Variants in LEMD2 observed in about 807,000 individuals in gnomAD.
LEMD2 encodes LEM domain nuclear envelope protein 2.
A neutral mutation model predicts 58.8 loss-of-function variants in LEMD2; 34 were observed. The ratio of observed to expected loss-of-function variants is 0.58; its 90% CI spans 0.44 to 0.77. The LOEUF (loss-of-function observed/expected upper bound fraction) is 0.77. LEMD2 is among the 30% of genes least tolerant of loss of function. The pLI is 0.00. For missense variants in LEMD2, 629 were observed against 717.9 expected (o/e 0.88, Z 1.42); for synonymous variants, 298 against 308.9 (o/e 0.96, Z 0.37).
Position 33,789,111 on chromosome 6 carries a change from G to A in LEMD2, c.6C>T (p.Ala2=), listed in dbSNP as rs377525478. Reference sequence around the variant, plus strand: ...GCCGCAGTTCCAGGTCCGACAGGCCGGCCATGGCCAGGACGCCGCCCCCCG... The same window carrying A: ...GCCGCAGTTCCAGGTCCGACAGGCCAGCCATGGCCAGGACGCCGCCCCCCG... M[A]GLSDLELRRE... The change falls in exon 1 of 9, where the codon GCC becomes GCT. Residue 2 remains alanine (A), a synonymous_variant. Coordinates refer to ENST00000293760, the MANE Select transcript of LEMD2 (RefSeq NM_181336.4). The A allele has an allele frequency of 2.2e-5, 34 of 1,527,460 alleles. No homozygotes were observed. The African/African-American group carries it at 2.7e-4, about 12-fold the overall frequency. 94.6% of individuals were successfully genotyped at this position (1,527,460 alleles called of 1,614,324 possible). A position where few individuals can be genotyped will look rare whatever the true frequency, so the allele number is the denominator to read the frequency against.
At position 33,772,428 on chromosome 6, in the gene LEMD2, C is replaced by T. The variant is rs1345097455; in HGVS notation, c.*200G>A. 7.6e-6 allele frequency: 4 copies of T among 524,616 alleles called. No individual in the cohort carries two copies. Among genetic ancestry groups the T allele is most frequent in the African/African-American group, 1.9e-5 (1 of 51,536 alleles). The allele number at this position is 524,616 out of a possible 1,614,324, so 32.5% of individuals were successfully genotyped here. ...TCTGGGCTATCACCCTGGCTTCTCC[C>T]CCTCCCTTTAAAGGAAGCCCACATT... On this transcript the variant is annotated 3_prime_UTR_variant, in exon 9 of 9. Coordinates refer to ENST00000293760, the MANE Select transcript of LEMD2 (RefSeq NM_181336.4).
At chr6:33,786,664 G>T in intron 2 of LEMD2, 70 bp downstream of exon 2, 1 of 1,189,606 alleles carries the variant, frequency 8.4e-7, no homozygotes, top group Non-Finnish European at 1.2e-6. Flanking sequence ...TTTTTCTGGG[G>T]AAGTTTACCT....
intron 3 of LEMD2, among the ~76,000 whole-genome samples, chr6:33,782,404 C>A (rs1038597341): frequency 2.0e-5 from 3 of 152,226 alleles, no homozygotes; most frequent in Non-Finnish European, 4.4e-5. Flanking sequence ...GGCCTGGCAT[C>A]CAAGGCCATC....
At chr6:33,788,038 G>A (rs1030010540) in intron 1 of LEMD2, among the ~76,000 whole-genome samples, 49 of 152,228 alleles carry the variant, frequency 3.2e-4, no homozygotes, top group African/African-American at 1.1e-3. Context: ...GAACCCAAAC[G>A]GATGGGGTGA....
intron 1 of LEMD2, among the ~76,000 whole-genome samples, chr6:33,788,055 T>C (rs1014867448): frequency 3.3e-5 from 5 of 152,120 alleles, no homozygotes; most frequent in African/African-American, 2.4e-5. Context: ...GTGAATCTGT[T>C]AGAGGGGGGT....
At position 33,778,539 on chromosome 6, in the gene LEMD2, C is replaced by T. The variant is rs549086497; in HGVS notation, c.1011-152G>A. On this transcript the variant is annotated intron_variant, in intron 5 of 8. Coordinates refer to ENST00000293760, the MANE Select transcript of LEMD2 (RefSeq NM_181336.4). This position sits in a 1 kb window ranked among gnomAD's most constrained non-coding sequence, Gnocchi z 4.7. ...GCTTGGTATCCTGGCTGCATTCTTT[C>T]CAGAAATTTCCCACATTGGCTACTT... 3.0e-4 allele frequency: 156 copies of T among 512,846 alleles called. No homozygotes were observed. Among genetic ancestry groups the T allele is most frequent in the African/African-American group, 2.8e-3 (143 of 51,474 alleles). The allele number at this position is 512,846 out of a possible 1,614,324, so 31.8% of individuals were successfully genotyped here.
At chr6:33,772,821 G>T (rs755153489) in intron 8 of LEMD2, 43 bp from the exon 9 acceptor site, 3 of 1,573,022 alleles carry the variant, frequency 1.9e-6, no homozygotes, top group Middle Eastern at 1.8e-4. Context: ...CTGCCGAGGT[G>T]AGCCAGCCTG....
At position 33,784,684 on chromosome 6, in the gene LEMD2, C is replaced by G. The variant is rs111855846; in HGVS notation, c.778-257G>C. 5.6e-4 allele frequency: 225 copies of G among 399,380 alleles called. 5 individuals are homozygous for G. Among genetic ancestry groups the G allele is most frequent in the South Asian group, 2.3e-3 (72 of 30,768 alleles). The allele number at this position is 399,380 out of a possible 1,614,324, so 24.7% of individuals were successfully genotyped here. A position where few individuals can be genotyped will look rare whatever the true frequency, so the allele number is the denominator to read the frequency against. On this transcript the variant is annotated intron_variant, in intron 2 of 8. Coordinates refer to ENST00000293760, the MANE Select transcript of LEMD2 (RefSeq NM_181336.4). Reference sequence around the variant, plus strand: ...GACACTGTAACCAAGGGGCTGCATCCCAGAGGCTCCTGGCTCCTGCCTTTC... The same window carrying G: ...GACACTGTAACCAAGGGGCTGCATCGCAGAGGCTCCTGGCTCCTGCCTTTC...
chr6:33,774,008 G>T (rs866824900), intron 8 of LEMD2, among the ~76,000 whole-genome samples: 1 of 152,168 alleles, frequency 6.6e-6, no homozygotes, highest in East Asian at 1.9e-4. Flanking sequence ...GCAGCTCTGG[G>T]TATCTATGCT....
rs143514906 is a variant in LEMD2 at position 33,785,945 on chromosome 6, G to C, written c.777+789C>G. 5.4e-3 allele frequency among the ~76,000 whole-genome samples: 825 copies of C among 152,344 alleles called. 11 individuals are homozygous for C. The highest frequency in any genetic ancestry group is 0.019 in the African/African-American group (776 of 41,578). On this transcript the variant is annotated intron_variant, in intron 2 of 8. Coordinates refer to ENST00000293760, the MANE Select transcript of LEMD2 (RefSeq NM_181336.4). ...CATTTACATGAGTAAGACAGTCAATGCAGGGCTGGCCAGAGGACCATGCGT... is the reference window on the plus strand; with the variant it reads ...CATTTACATGAGTAAGACAGTCAATCCAGGGCTGGCCAGAGGACCATGCGT...
At chr6:33,787,402 T>TA (rs1260895267) in intron 1 of LEMD2, among the ~76,000 whole-genome samples, 1 of 152,242 alleles carries the variant, frequency 6.6e-6, no homozygotes, top group Non-Finnish European at 1.5e-5. Flanking sequence ...ACGAGTCTGT[T>TA]AATACCCTTG....
intron 3 of LEMD2, among the ~76,000 whole-genome samples, chr6:33,784,031 C>T (rs1335698272): frequency 6.6e-6 from 1 of 152,244 alleles, no homozygotes; most frequent in African/African-American, 2.4e-5. Flanking sequence ...TGGCCCCTTC[C>T]CATGCCAACA....
Position 33,789,041 on chromosome 6 carries a change from T to C in LEMD2, c.76A>G (p.Thr26Ala). The C allele has an allele frequency of 6.4e-7, 1 of 1,557,324 alleles. No individual in the cohort carries two copies. The highest frequency in any genetic ancestry group is 1.9e-5 in the Admixed American group (1 of 53,400). The change falls in exon 1 of 9, where the codon ACC becomes GCC. Residue 26 changes from threonine (T) to alanine (A), a missense_variant. Transcript: ENST00000293760. ...LGFQPGPITD[T>A]TRDVYRNKLR... The stretch of plus-strand genomic sequence containing the variant: ...TTGTTGCGGTAGACATCCCGGGTGG[T>C]GTCGGTGATGGGTCCTGGCTGGAAG...
chr6:33,779,940 T>C, intron 5 of LEMD2, 160 bp downstream of exon 5: 1 of 615,260 alleles, frequency 1.6e-6, no homozygotes, highest in Non-Finnish European at 2.9e-6. Flanking sequence ...GCTTCTTGCT[T>C]TTGTTGCCCC....
intron 8 of LEMD2, among the ~76,000 whole-genome samples, chr6:33,773,386 A>G (rs1767349305): frequency 6.6e-6 from 1 of 151,626 alleles, no homozygotes; most frequent in Non-Finnish European, 1.5e-5. Flanking sequence ...CCCCCCTTCC[A>G]GACTGGACAA....
At chr6:33,786,440 T>C (rs553696782) in intron 2 of LEMD2, among the ~76,000 whole-genome samples, 1 of 152,280 alleles carries the variant, frequency 6.6e-6, no homozygotes, top group Admixed American at 6.5e-5. Context: ...AACAACAACC[T>C]ACTGCATCCC....
rs149099560 is a variant in LEMD2, at chr6:33,771,939, CGCCCGCCCTGGGGCT to C, written c.*674_*688del. ...GTGAGAAGCAACACTGAGGCGGGCCCGCCCGCCCTGGGGCTGCCCGACCCTCCTCTCTGCTCTCAG... is the reference window on the plus strand; with the variant it reads ...GTGAGAAGCAACACTGAGGCGGGCCCGCCCGACCCTCCTCTCTGCTCTCAG... On this transcript the variant is annotated 3_prime_UTR_variant, in exon 9 of 9. Coordinates refer to ENST00000293760, the MANE Select transcript of LEMD2 (RefSeq NM_181336.4). 0.3 allele frequency: 45,977 copies of C among 152,096 alleles called. 8,141 individuals are homozygous for C. Among genetic ancestry groups the C allele is most frequent in the East Asian group, 0.67 (3,465 of 5,142 alleles). 9.4% of individuals were successfully genotyped at this position (152,096 alleles called of 1,614,324 possible).
rs1177839870 is a variant in LEMD2 at position 33,771,658 on chromosome 6, G to T, written c.*970C>A. 6.6e-6 allele frequency: 1 copy of T among 152,158 alleles called. No homozygotes were observed. The highest frequency in any genetic ancestry group is 1.5e-5 in the Non-Finnish European group (1 of 68,020). 9.4% of individuals were successfully genotyped at this position (152,158 alleles called of 1,614,324 possible). A position where few individuals can be genotyped will look rare whatever the true frequency, so the allele number is the denominator to read the frequency against. On this transcript the variant is annotated 3_prime_UTR_variant, in exon 9 of 9. Transcript: ENST00000293760. The stretch of plus-strand genomic sequence containing the variant: ...AGGGCCGGTGGGCGGCGGCGCGGAC[G>T]CTGCTCCCTTGTGGCCGGCAGGGGG...
intron 2 of LEMD2, among the ~76,000 whole-genome samples, chr6:33,786,083 C>T (rs1330379789): frequency 6.6e-6 from 1 of 152,142 alleles, no homozygotes; most frequent in Non-Finnish European, 1.5e-5. Flanking sequence ...GCACAAGACT[C>T]CTCCTGGTAC....
Sources: gnomAD v4.1 joint callset for allele counts (sites outside exome capture counted in the v4.1 genomes callset) on GRCh38, gnomAD v4.1.1 for gene constraint, Gnocchi (gnomAD v3.1) non-coding constraint, MANE v1.5 for transcripts, NCBI Gene and HGNC (gene_info 2026-07-23, HGNC 2026-07-21) for gene names.